Variants in PPP1R7 observed in about 807,000 individuals in gnomAD.
PPP1R7 encodes the protein protein phosphatase 1 regulatory subunit 7, also known as protein phosphatase 1 regulatory subunit 22.
In PPP1R7, 18 loss-of-function variants were observed where a neutral mutation model predicts 45.2. The ratio of observed to expected loss-of-function variants is 0.40; its 90% CI spans 0.28 to 0.59. The LOEUF is 0.59. Ranked by LOEUF, PPP1R7 falls within the 20% of genes least tolerant of loss-of-function variation. PPP1R7 has a pLI of 0.46. For synonymous variants in PPP1R7, 181 were observed against 183.4 expected (o/e 0.99, Z 0.11); for missense variants, 314 against 455.8 (o/e 0.69, Z 2.83).
In PPP1R7 at chr2:241,178,534, G is replaced by T. The variant is rs185624360; in HGVS notation, c.907-4113G>T. 4.0e-3 allele frequency among the ~76,000 whole-genome samples: 554 copies of T among 139,054 alleles called. 1 individual carries two copies. The highest frequency in any genetic ancestry group is 0.014 in the African/African-American group (510 of 37,002). The allele number at this position is 139,054 out of a possible 152,430, so 91.2% of individuals were successfully genotyped here. On this transcript the variant is annotated intron_variant, in intron 9 of 9. Coordinates refer to ENST00000234038, the MANE Select transcript of PPP1R7 (RefSeq NM_002712.3). ...TGCAGTGGCGTGATCTCGGCTCACTGCAAGCTCCACCTCCTGGGTTCACAC... is the reference window on the plus strand; with the variant it reads ...TGCAGTGGCGTGATCTCGGCTCACTTCAAGCTCCACCTCCTGGGTTCACAC...
intron 8 of PPP1R7, 150 bp from the exon 9 acceptor site, chr2:241,169,631 G>A (rs888367933): frequency 6.9e-5 from 42 of 607,196 alleles, no homozygotes; most frequent in African/African-American, 3.7e-4. Flanking sequence ...AGCAGGTCTC[G>A]TCACCCTCCA....
intron 8 of PPP1R7, among the ~76,000 whole-genome samples, chr2:241,169,207 T>TA (rs1346288759): frequency 2.0e-5 from 3 of 152,148 alleles, no homozygotes; most frequent in Middle Eastern, 3.2e-3. Flanking sequence ...TCTCTGCACT[T>TA]ATGCTCCCGG....
intron 8 of PPP1R7, 58 bp from the exon 9 acceptor site, chr2:241,169,723 C>A: frequency 7.0e-7 from 1 of 1,429,984 alleles, no homozygotes; most frequent in South Asian, 1.2e-5. Context: ...CCTGCGTGGT[C>A]ATGCAAATCA....
intron 2 of PPP1R7, among the ~76,000 whole-genome samples, 153 bp downstream of exon 2, chr2:241,153,757 G>C (rs1006838320): frequency 6.6e-6 from 1 of 152,224 alleles, no homozygotes; most frequent in Non-Finnish European, 1.5e-5. Context: ...AGGTGGATAT[G>C]CTCTTTGAGG....
upstream of PPP1R7, chr2:241,150,382 G>T: frequency 7.5e-7 from 1 of 1,329,576 alleles, no homozygotes. Context: ...CAGGCGCGGC[G>T]CGGCTGAAGT....
intron 9 of PPP1R7, among the ~76,000 whole-genome samples, chr2:241,175,681 G>C (rs1472836826): frequency 6.6e-6 from 1 of 152,066 alleles, no homozygotes; most frequent in East Asian, 1.9e-4. Flanking sequence ...TGAAGCCTTG[G>C]CCTCCTGAGT....
At position 241,183,383 on chromosome 2, in the gene PPP1R7, C is replaced by T. The variant is rs146171513; in HGVS notation, c.*560C>T. On this transcript the variant is annotated 3_prime_UTR_variant, in exon 10 of 10. Transcript: ENST00000234038. ...CTGTGTGCTTGTGTTCCTTAGAGCTCTCCTTCAAAGAGCGCCGGGCAGGGC... is the reference window on the plus strand; with the variant it reads ...CTGTGTGCTTGTGTTCCTTAGAGCTTTCCTTCAAAGAGCGCCGGGCAGGGC... 1 of 471,058 alleles carries T rather than the reference C, an allele frequency of 2.1e-6. No homozygotes were observed. Among genetic ancestry groups the T allele is most frequent in the African/African-American group, 2.0e-5 (1 of 50,098 alleles). 29.2% of individuals were successfully genotyped at this position (471,058 alleles called of 1,614,324 possible). A position where few individuals can be genotyped will look rare whatever the true frequency, so the allele number is the denominator to read the frequency against.
chr2:241,168,596 A>G (rs1212421550), intron 8 of PPP1R7, among the ~76,000 whole-genome samples: 1 of 151,906 alleles, frequency 6.6e-6, no homozygotes, highest in Non-Finnish European at 1.5e-5. Context: ...TGAGCCTGAT[A>G]CTCTGTGAGC....
In PPP1R7 at chr2:241,183,195, G is replaced by A. The variant is rs929089624; in HGVS notation, c.*372G>A. ...CTTTACAGGCATTCACGTGCTGTCCGAGTGGCATTCGGGGGCTGGCCTAGC... is the reference window on the plus strand; with the variant it reads ...CTTTACAGGCATTCACGTGCTGTCCAAGTGGCATTCGGGGGCTGGCCTAGC... On this transcript the variant is annotated 3_prime_UTR_variant, in exon 10 of 10. Transcript: ENST00000234038. 24 of 381,034 alleles carry A rather than the reference G, an allele frequency of 6.3e-5. No individual in the cohort carries two copies. Among genetic ancestry groups the A allele is most frequent in the African/African-American group, 1.3e-4 (6 of 47,492 alleles). The allele number at this position is 381,034 out of a possible 1,614,324, so 23.6% of individuals were successfully genotyped here.
rs535044803 is a variant in PPP1R7 at position 241,152,176 on chromosome 2, C to T, written c.53-1300C>T. Among the ~76,000 whole-genome samples the T allele has an allele frequency of 2.6e-5, 4 of 152,324 alleles. No individual in the cohort carries two copies. The East Asian group carries it at 7.7e-4, about 29-fold the overall frequency. ...CGTGCTAACTGCTCTTGTGCCTTTT[C>T]TAATTTAACCGTGACAGCAACTTGC... On this transcript the variant is annotated intron_variant, in intron 1 of 9. Coordinates refer to ENST00000234038, the MANE Select transcript of PPP1R7 (RefSeq NM_002712.3).
intron 9 of PPP1R7, among the ~76,000 whole-genome samples, chr2:241,171,136 G>A (rs569549689): frequency 2.0e-4 from 31 of 152,312 alleles, no homozygotes; most frequent in Admixed American, 4.6e-4. Context: ...GAAGCGTAAC[G>A]ATTCCTTCTG....
At chr2:241,158,726 C>T (rs552565304) in intron 4 of PPP1R7, 177 bp downstream of exon 4, 3 of 621,454 alleles carry the variant, frequency 4.8e-6, no homozygotes, top group Non-Finnish European at 8.5e-6. Context: ...AGACAGCAGT[C>T]GAGGGACTTG....
chr2:241,156,406 C>T (rs1403645232), intron 2 of PPP1R7, among the ~76,000 whole-genome samples: 5 of 152,242 alleles, frequency 3.3e-5, no homozygotes, highest in Non-Finnish European at 5.9e-5. Context: ...TGCAGTGGCT[C>T]GTGCCTATAA....
At chr2:241,175,569 T>C (rs1027130970) in intron 9 of PPP1R7, among the ~76,000 whole-genome samples, 7 of 152,212 alleles carry the variant, frequency 4.6e-5, no homozygotes, top group East Asian at 1.9e-4. Flanking sequence ...TTCACTCTTA[T>C]CTCACCAGCA....
At chr2:241,150,048 G>T, upstream of PPP1R7, 1 of 1,368,844 alleles carries the variant, frequency 7.3e-7, no homozygotes, top group African/African-American at 1.5e-5. Context: ...GCTCGCAGAG[G>T]TCAGGGATGC....
At chr2:241,152,625 C>T (rs2067350358) in intron 1 of PPP1R7, among the ~76,000 whole-genome samples, 1 of 152,130 alleles carries the variant, frequency 6.6e-6, no homozygotes, top group Admixed American at 6.6e-5. Flanking sequence ...GAACTTTTTC[C>T]CTCAAAGAGC....
intron 9 of PPP1R7, among the ~76,000 whole-genome samples, chr2:241,173,710 T>C (rs894689974): frequency 6.6e-6 from 1 of 152,224 alleles, no homozygotes; most frequent in African/African-American, 2.4e-5. Flanking sequence ...CCCCTGGCAC[T>C]AGCGAGGCCC....
At chr2:241,150,647 C>T in intron 1 of PPP1R7, 100 bp downstream of exon 1, 7 of 1,338,046 alleles carry the variant, frequency 5.2e-6, no homozygotes, top group Non-Finnish European at 6.8e-6. Context: ...CGTCCTGCCT[C>T]TGGCCGCCGC....
At chr2:241,181,075 G>A (rs2067995848) in intron 9 of PPP1R7, among the ~76,000 whole-genome samples, 2 of 152,196 alleles carry the variant, frequency 1.3e-5, no homozygotes, top group East Asian at 1.9e-4. Context: ...GCGAGTGCCT[G>A]TAATCCCAGC....
Sources: allele counts gnomAD v4.1 joint callset (sites outside exome capture counted in the v4.1 genomes callset), GRCh38; gene constraint gnomAD v4.1.1; transcripts MANE v1.5; gene names NCBI Gene and HGNC (gene_info 2026-07-23, HGNC 2026-07-21).